The following ODAM variants were observed in gnomAD, a reference collection of about 807,000 sequenced individuals.
The protein encoded by ODAM is odontogenic ameloblast-associated protein.
In ODAM, 55 loss-of-function variants were observed where a neutral mutation model predicts 48.5. The ratio of observed to expected loss-of-function variants is 1.13; its 90% CI spans 0.91 to 1.42. ODAM has a LOEUF of 1.42. ODAM is among the 40% of genes most tolerant of loss of function. The pLI, the probability that ODAM is intolerant of heterozygous loss-of-function variation, is 0.00. For missense variants in ODAM, 353 were observed against 323.6 expected, an observed-to-expected ratio of 1.09 and a Z score of -0.70; for synonymous variants, 127 against 107.8, an observed-to-expected ratio of 1.18 and a Z score of -1.10.
At position 70,201,457 on chromosome 4, in the gene ODAM, C is replaced by T. The variant is rs1330456894; in HGVS notation, c.532C>T (p.Pro178Ser). The T allele has an allele frequency of 1.3e-6, 2 of 1,484,888 alleles. No individual in the cohort carries two copies. The highest frequency in any genetic ancestry group is 2.3e-5 in the East Asian group (1 of 43,054). The allele number at this position is 1,484,888 out of a possible 1,614,324, so 92.0% of individuals were successfully genotyped here. Residue 178 changes from proline (P) to serine (S), a missense_variant, in exon 8 of 12, where the codon CCA becomes TCA. Transcript: ENST00000683306. ...TRQQQYEEQI[P>S]FYAQFGYIPQ... ...CATTTTTTAAAAAATCTGACAGATA[C>T]CATTCTATGCTCAATTTGGATACAT...
intron 5 of ODAM, 140 bp from the exon 6 acceptor site, chr4:70,198,439 A>G (rs1729427108): frequency 1.4e-6 from 1 of 689,680 alleles, no homozygotes; most frequent in Non-Finnish European, 2.4e-6. Flanking sequence ...ATGTCAGCAC[A>G]TGTAACGGAT....
intron 10 of ODAM, 26 bp downstream of exon 10, chr4:70,202,943 T>C (rs1192174177): frequency 1.3e-6 from 2 of 1,581,110 alleles, no homozygotes; most frequent in Admixed American, 1.9e-5. Context: ...CTTCACTTTA[T>C]GCAAAAAAAT....
intron 6 of ODAM, among the ~76,000 whole-genome samples, chr4:70,198,972 C>A (rs974235675): frequency 6.6e-6 from 1 of 151,894 alleles, no homozygotes; most frequent in Admixed American, 6.6e-5. Context: ...CTGACTTTAT[C>A]CAAATTTAAA....
chr4:70,201,780 T>A (rs1729499096), intron 8 of ODAM, among the ~76,000 whole-genome samples: 1 of 151,980 alleles, frequency 6.6e-6, no homozygotes, highest in African/African-American at 2.4e-5. Flanking sequence ...GCAGTGGCTA[T>A]TCTCAAAAGT....
In ODAM at chr4:70,201,506, G is replaced by A. The variant is rs1349267434; in HGVS notation, c.576+5G>A. On this transcript the variant is annotated splice_donor_5th_base_variant and intron_variant, in intron 8 of 11. Coordinates refer to ENST00000683306, the MANE Select transcript of ODAM (RefSeq NM_017855.4). ...ATTCCACAACTAGCAGAACCTGTAA[G>A]TAAATGCATATTTTTCATTAAAAAT... The A allele has an allele frequency of 2.1e-6, 3 of 1,437,614 alleles. No individual in the cohort carries two copies. The highest frequency in any genetic ancestry group is 2.0e-6 in the Non-Finnish European group (2 of 1,024,074). The allele number at this position is 1,437,614 out of a possible 1,614,324, so 89.1% of individuals were successfully genotyped here.
chr4:70,199,709 G>A (rs1729455614), intron 6 of ODAM, among the ~76,000 whole-genome samples: 1 of 151,990 alleles, frequency 6.6e-6, no homozygotes, highest in Non-Finnish European at 1.5e-5. Flanking sequence ...CTTCTAAAAT[G>A]CTCAAATGTG....
At chr4:70,196,266 C>T (rs1357332041) in intron 1 of ODAM, among the ~76,000 whole-genome samples, 1 of 151,980 alleles carries the variant, frequency 6.6e-6, no homozygotes, top group East Asian at 1.9e-4. Flanking sequence ...CATTCAACCA[C>T]ATCATATGTC....
chr4:70,199,818 A>G (rs1366500491), intron 6 of ODAM, among the ~76,000 whole-genome samples: 2 of 151,990 alleles, frequency 1.3e-5, no homozygotes, highest in African/African-American at 4.8e-5. Context: ...ACAATCTCTT[A>G]CTTTATGCAA....
In ODAM at chr4:70,202,304, G is replaced by A; in HGVS notation, c.623G>A (p.Gly208Asp). ...CAACTAGCTTTTGATCCCCAACTAG[G>A]CACAGCTCCTGAAATTGCTGTGATG... ...QQQLAFDPQL[G>D]TAPEIAVMST... is the part of the protein sequence containing the mutation. Residue 208 changes from glycine (G) to aspartate (D), a missense_variant, in exon 9 of 12, where the codon GGC (glycine) becomes GAC (aspartate). Physicochemically the swap from Gly to Asp is moderately conservative, Grantham distance 94. Coordinates refer to ENST00000683306, the MANE Select transcript of ODAM (RefSeq NM_017855.4). 4 of 1,611,764 alleles carry A rather than the reference G, an allele frequency of 2.5e-6. No individual in the cohort carries two copies. Among genetic ancestry groups the A allele is most frequent in the Non-Finnish European group, 3.4e-6 (4 of 1,178,526 alleles).
chr4:70,201,501 T>C lies in ODAM; in HGVS notation c.576T>C (p.Pro192=). Residue 192 remains proline (P), a splice_region_variant and synonymous_variant, in exon 8 of 12, where the codon CCT becomes CCC. Coordinates refer to ENST00000683306, the MANE Select transcript of ODAM (RefSeq NM_017855.4). ...GATACATTCCACAACTAGCAGAACCTGTAAGTAAATGCATATTTTTCATTA... is the reference window on the plus strand; with the variant it reads ...GATACATTCCACAACTAGCAGAACCCGTAAGTAAATGCATATTTTTCATTA... ...QFGYIPQLAE[P]AISGGQQQLA... The C allele has an allele frequency of 1.4e-6, 2 of 1,453,148 alleles. No individual in the cohort carries two copies. The highest frequency in any genetic ancestry group is 1.9e-6 in the Non-Finnish European group (2 of 1,038,080). 90.0% of individuals were successfully genotyped at this position (1,453,148 alleles called of 1,614,324 possible).
chr4:70,195,835 A>T (rs537958498), intron 1 of ODAM, 42 bp downstream of exon 1: 13 of 788,490 alleles, frequency 1.6e-5, no homozygotes, highest in African/African-American at 7.5e-5. Flanking sequence ...GAAGAACCAA[A>T]ATCAGTGAAA....
In ODAM at chr4:70,196,692, C is replaced by G; in HGVS notation, c.52C>G (p.Leu18Val). The change falls in exon 3 of 12, where the codon CTT (leucine) becomes GTT (valine). Residue 18 changes from leucine (L) to valine (V), a missense_variant and splice_region_variant. Transcript: ENST00000683306. ...ATTTTTTTTTCATTTTTACTTTTAG[C>G]TTATCCCACAGCGTCTCATGTCTGC... ...GFLGATLSAP[L>V]IPQRLMSASN... The G allele has an allele frequency of 2.5e-6, 4 of 1,607,610 alleles. No individual in the cohort carries two copies. The highest frequency in any genetic ancestry group is 3.4e-6 in the Non-Finnish European group (4 of 1,176,750).
chr4:70,201,347 C>A, intron 7 of ODAM, 107 bp from the exon 8 acceptor site: 2 of 573,642 alleles, frequency 3.5e-6, no homozygotes, highest in East Asian at 3.2e-5. Flanking sequence ...TTTAAAAATG[C>A]TTTTAACTTA....
intron 7 of ODAM, among the ~76,000 whole-genome samples, 154 bp downstream of exon 7, chr4:70,200,755 C>T (rs948640031): frequency 1.3e-5 from 2 of 151,932 alleles, no homozygotes; most frequent in East Asian, 1.9e-4. Context: ...ATAGTGTTCT[C>T]GGCTATAAAT....
chr4:70,202,105 C>A (rs905591565), intron 8 of ODAM, among the ~76,000 whole-genome samples, 153 bp from the exon 9 acceptor site: 1 of 151,856 alleles, frequency 6.6e-6, no homozygotes, highest in South Asian at 2.1e-4. Flanking sequence ...CAAGCCAGTT[C>A]TCTAATAGCA....
chr4:70,198,440 TGTAAC>T, intron 5 of ODAM, 134 bp from the exon 6 acceptor site: 1 of 692,548 alleles, frequency 1.4e-6, no homozygotes. Flanking sequence ...TGTCAGCACA[TGTAAC>T]GGATGACTTT....
At chr4:70,196,634 A>G (rs777082247) in intron 2 of ODAM, 40 bp downstream of exon 2, 7 of 1,594,342 alleles carry the variant, frequency 4.4e-6, no homozygotes, top group South Asian at 3.4e-5. Context: ...ACTGTGTTAA[A>G]CCTTCAACAA....
intron 1 of ODAM, among the ~76,000 whole-genome samples, 183 bp downstream of exon 1, chr4:70,195,976 C>T (rs1156415038): frequency 6.6e-6 from 1 of 151,994 alleles, no homozygotes; most frequent in African/African-American, 2.4e-5. Flanking sequence ...ATCAATATCA[C>T]AGTTCAGTTT....
intron 5 of ODAM, 73 bp from the exon 6 acceptor site, chr4:70,198,506 A>G: frequency 1.7e-6 from 2 of 1,172,806 alleles, no homozygotes. Flanking sequence ...GGCTAGCTCT[A>G]GGAAAAGCAG....
Sources: allele counts gnomAD v4.1 joint callset (sites outside exome capture counted in the v4.1 genomes callset), GRCh38; gene constraint gnomAD v4.1.1; transcripts MANE v1.5; gene names NCBI Gene and HGNC (gene_info 2026-07-23, HGNC 2026-07-21).